Variants in MTCL1 observed in about 807,000 individuals in gnomAD.
MTCL1 encodes the protein microtubule crosslinking factor 1, also known as microtubule cross-linking factor 1.
Under a neutral mutation model 141.4 loss-of-function variants are expected in MTCL1, and 79 were observed. That is an observed-to-expected ratio of 0.56 (90% CI 0.47 to 0.67). The LOEUF (loss-of-function observed/expected upper bound fraction) is 0.67. Ranked by LOEUF, MTCL1 falls within the 30% of genes least tolerant of loss-of-function variation. The pLI is 0.00. For missense variants in MTCL1, 2,177 were observed against 2,113.9 expected (o/e 1.03, Z -0.59); for synonymous variants, 914 against 875.8 (o/e 1.04, Z -0.77).
At chr18:8,756,902 G>A (rs892959926) in intron 4 of MTCL1, among the ~76,000 whole-genome samples, 8 of 152,100 alleles carry the variant, frequency 5.3e-5, no homozygotes, top group African/African-American at 7.2e-5. Flanking sequence ...AGTGGCTGTC[G>A]TTGTCTAAGG....
chr18:8,802,999 A>C (rs771084527), intron 10 of MTCL1, among the ~76,000 whole-genome samples: 4 of 152,114 alleles, frequency 2.6e-5, no homozygotes, highest in Non-Finnish European at 5.9e-5. Context: ...TCATCTTTTT[A>C]CCCAAAAGGT....
Position 8,812,499 on chromosome 18 carries a change from C to G in MTCL1, c.2605-480C>G, listed in dbSNP as rs368147025. Among the ~76,000 whole-genome samples, 13 of 152,204 alleles carry G rather than the reference C, an allele frequency of 8.5e-5. No individual in the cohort carries two copies. In the East Asian group the frequency reaches 1.9e-3, roughly 23 times the overall value. On this transcript the variant is annotated intron_variant, in intron 11 of 16. Transcript: ENST00000359865. Reference sequence around the variant, plus strand: ...GCCTCTATGACATGGGTCATTTTTCCCTGTCTTTAAGTCTTCTCTTTGGTT... The same window carrying G: ...GCCTCTATGACATGGGTCATTTTTCGCTGTCTTTAAGTCTTCTCTTTGGTT...
chr18:8,714,871 A>G (rs575083542), upstream of MTCL1, among the ~76,000 whole-genome samples: 3 of 151,498 alleles, frequency 2.0e-5, no homozygotes, highest in Non-Finnish European at 2.9e-5. Context: ...ATTTCCACTC[A>G]CTGCAAGCTC....
intron 1 of MTCL1, among the ~76,000 whole-genome samples, chr18:8,708,747 G>T (rs1222972800): frequency 6.6e-6 from 1 of 152,208 alleles, no homozygotes; most frequent in East Asian, 1.9e-4. Context: ...CTCTCCACTA[G>T]CCTGTGTACG....
At chr18:8,812,996 G>A in exon 12 of MTCL1, 2 of 1,612,458 alleles carry the variant, frequency 1.2e-6, no homozygotes, top group South Asian at 2.2e-5. Flanking sequence ...AGAAGACTGA[G>A]AACAAGTTGG....
At chr18:8,814,990 G>A (rs1223835439) in intron 12 of MTCL1, among the ~76,000 whole-genome samples, 1 of 152,234 alleles carries the variant, frequency 6.6e-6, no homozygotes, top group Non-Finnish European at 1.5e-5. Context: ...TGGAGAGGAT[G>A]TGGAGAAATA....
At chr18:8,714,858 G>A (rs548243601), upstream of MTCL1, among the ~76,000 whole-genome samples, 10 of 151,876 alleles carry the variant, frequency 6.6e-5, no homozygotes, top group South Asian at 4.2e-4. Flanking sequence ...GTGCAGTGGC[G>A]CGATTTCCAC....
intron 4 of MTCL1, among the ~76,000 whole-genome samples, chr18:8,736,898 C>T (rs1204517339): frequency 6.6e-6 from 1 of 152,066 alleles, no homozygotes; most frequent in African/African-American, 2.4e-5. Flanking sequence ...CCACGGCCTC[C>T]GAAAGTGCTA....
At chr18:8,767,853 A>C (rs908794080) in intron 4 of MTCL1, among the ~76,000 whole-genome samples, 3 of 152,228 alleles carry the variant, frequency 2.0e-5, no homozygotes, top group Admixed American at 2.0e-4. Context: ...CCCATTGATA[A>C]GACCTGTTAG....
upstream of MTCL1, among the ~76,000 whole-genome samples, chr18:8,713,947 A>C (rs2148777026): frequency 6.6e-6 from 1 of 152,244 alleles, no homozygotes; most frequent in South Asian, 2.1e-4. Flanking sequence ...TGTCTCTTTA[A>C]AAAAAGCGGG....
At chr18:8,720,056 G>C (rs1284970046) in intron 3 of MTCL1, 2 of 312,210 alleles carry the variant, frequency 6.4e-6, no homozygotes, top group Non-Finnish European at 1.2e-5. Flanking sequence ...AAATTTAGCA[G>C]TTTGGGGGGG....
exon 15 of MTCL1, chr18:8,826,124 G>T (rs748738330): frequency 2.3e-5 from 37 of 1,613,150 alleles, no homozygotes; most frequent in Admixed American, 1.2e-4. Context: ...ACAAGAAGCT[G>T]CTGGAACATG....
chr18:8,774,812 C>G (rs948274848), intron 4 of MTCL1, among the ~76,000 whole-genome samples: 3 of 152,140 alleles, frequency 2.0e-5, no homozygotes, highest in Admixed American at 6.5e-5. Flanking sequence ...AAACTTTAAC[C>G]CTTGCAGTGT....
At chr18:8,811,993 A>G (rs2076502997) in intron 11 of MTCL1, among the ~76,000 whole-genome samples, 1 of 152,210 alleles carries the variant, frequency 6.6e-6, no homozygotes. Context: ...GCTACTTTTC[A>G]TGCTGCCTGA....
At chr18:8,819,073 G>A (rs1398764546) in exon 13 of MTCL1, 1 of 1,614,126 alleles carries the variant, frequency 6.2e-7, no homozygotes. Context: ...CCCGTCCAGT[G>A]GCCATGTGGC....
intron 11 of MTCL1, chr18:8,809,507 G>A (rs2076408454): frequency 6.5e-7 from 1 of 1,536,184 alleles, no homozygotes; most frequent in Non-Finnish European, 8.7e-7. Context: ...TCACCAGGCT[G>A]CCAGCTGGGT....
At chr18:8,753,926 A>G (rs972208050) in intron 4 of MTCL1, among the ~76,000 whole-genome samples, 2 of 152,200 alleles carry the variant, frequency 1.3e-5, no homozygotes, top group African/African-American at 4.8e-5. Flanking sequence ...TGTGACTGTT[A>G]ATATGGGACC....
upstream of MTCL1, among the ~76,000 whole-genome samples, chr18:8,714,875 C>T (rs193061890): frequency 2.7e-4 from 41 of 152,198 alleles, 1 homozygote; most frequent in African/African-American, 9.2e-4. Flanking sequence ...CCACTCACTG[C>T]AAGCTCCACC....
At chr18:8,784,659 A>G (rs751217799) in exon 6 of MTCL1, 4 of 1,613,966 alleles carry the variant, frequency 2.5e-6, no homozygotes, top group African/African-American at 2.7e-5. Context: ...GGGACCATCA[A>G]CGCCAAGATG....
Sources: gnomAD v4.1 joint callset for allele counts (sites outside exome capture counted in the v4.1 genomes callset) on GRCh38, gnomAD v4.1.1 for gene constraint, MANE v1.5 for transcripts, NCBI Gene and HGNC (gene_info 2026-07-23, HGNC 2026-07-21) for gene names.